Variants in RELN observed in about 807,000 individuals in gnomAD.
The protein encoded by RELN is reelin.
RELN carries 108 observed loss-of-function variants against 427.6 expected under a neutral mutation model. The ratio of observed to expected loss-of-function variants is 0.25; its 90% CI spans 0.22 to 0.30. RELN has a LOEUF of 0.30. Among genes scored for constraint, RELN ranks in the 10% least tolerant of loss-of-function variants. RELN has a pLI of 1.00. For synonymous variants in RELN, 1,524 were observed against 1,513.4 expected (o/e 1.01, Z -0.16); for missense variants, 3,715 against 4,302.8 (o/e 0.86, Z 3.82).
At chr7:103,520,968 T>A (rs1325299744) in intron 48 of RELN, among the ~76,000 whole-genome samples, 3 of 115,478 alleles carry the variant, frequency 2.6e-5, no homozygotes, top group East Asian at 2.4e-4. Flanking sequence ...TTTTTTTTTT[T>A]TTTTTTTTTT....
intron 1 of RELN, among the ~76,000 whole-genome samples, chr7:103,930,404 T>C (rs755478267): frequency 6.0e-4 from 90 of 150,208 alleles, no homozygotes; most frequent in Admixed American, 1.1e-3. Flanking sequence ...GACTTCAATA[T>C]ATGAATGGCA....
chr7:103,810,620 T>C (rs1792717624), intron 3 of RELN, among the ~76,000 whole-genome samples: 1 of 152,064 alleles, frequency 6.6e-6, no homozygotes, highest in African/African-American at 2.4e-5. Context: ...TTAGTGCTCC[T>C]GGTTGCAGCA....
intron 44 of RELN, 124 bp from the exon 45 acceptor site, chr7:103,539,451 C>G (rs60951836): frequency 2.1e-6 from 2 of 974,852 alleles, no homozygotes; most frequent in Non-Finnish European, 1.5e-6. Flanking sequence ...TGGCACTGGA[C>G]GGCCAGCAGA....
rs941182837 is a variant in RELN at position 103,907,415 on chromosome 7, G to GA, written c.337+9659dup. On this transcript the variant is annotated intron_variant, in intron 2 of 64. Coordinates refer to ENST00000428762, the MANE Select transcript of RELN (RefSeq NM_005045.4). ...CCTGGGCAACAAGATCAAGGCTCTG[G>GA]AAAAAAAAAAAAAAAAAAAAAAAAA... Among the ~76,000 whole-genome samples, 182 of 44,082 alleles carry GA rather than the reference G, an allele frequency of 4.1e-3. 8 individuals are homozygous for GA. Among genetic ancestry groups the GA allele is most frequent in the East Asian group, 0.022 (27 of 1,236 alleles). The allele number at this position is 44,082 out of a possible 152,430, so 28.9% of individuals were successfully genotyped here.
chr7:103,743,225 C>T (rs1423966327), intron 6 of RELN, among the ~76,000 whole-genome samples: 2 of 152,148 alleles, frequency 1.3e-5, no homozygotes, highest in Non-Finnish European at 2.9e-5. Context: ...GAGATTTTGT[C>T]ACTACCAGGC....
At chr7:103,702,120 CT>C (rs1250847818) in intron 8 of RELN, among the ~76,000 whole-genome samples, 8 of 152,258 alleles carry the variant, frequency 5.3e-5, no homozygotes, top group African/African-American at 1.9e-4. Flanking sequence ...AGGAAAGCTA[CT>C]GAGCAACCCT....
chr7:103,582,172 T>C (rs1223935758), intron 28 of RELN, among the ~76,000 whole-genome samples: 1 of 152,234 alleles, frequency 6.6e-6, no homozygotes. Context: ...GATCCAGAGA[T>C]GGAAGTCAGG....
intron 1 of RELN, among the ~76,000 whole-genome samples, chr7:103,972,921 C>G (rs1258081640): frequency 5.0e-5 from 3 of 60,470 alleles, no homozygotes; most frequent in Non-Finnish European, 1.0e-4. Flanking sequence ...TGTGTGTGTG[C>G]TACAAGATTA....
chr7:103,690,625 C>T (rs920687076), intron 10 of RELN, among the ~76,000 whole-genome samples: 10 of 152,098 alleles, frequency 6.6e-5, no homozygotes, highest in Non-Finnish European at 1.3e-4. Flanking sequence ...GCAAAACCAT[C>T]GTAAACAACA....
At chr7:103,683,592 C>T (rs1833699188) in intron 10 of RELN, among the ~76,000 whole-genome samples, 2 of 152,032 alleles carry the variant, frequency 1.3e-5, no homozygotes. Context: ...TAATACATTA[C>T]TCATGTGTTT....
In RELN at chr7:103,496,685, C is replaced by T. The variant is rs759042131; in HGVS notation, c.9034G>A (p.Ala3012Thr). 2.5e-6 allele frequency: 4 copies of T among 1,614,164 alleles called. No individual in the cohort carries two copies. Among genetic ancestry groups the T allele is most frequent in the South Asian group, 2.2e-5 (2 of 91,078 alleles). ...CGAAGTCGAGTTGTGTTGGTGAGGG[C>T]ATCTTCAGGAAGAAGTATGTAGTCG... Reference protein sequence around the residue: ...RHDYILLPEDALTNTTRLRWW... With the variant: ...RHDYILLPEDTLTNTTRLRWW... Residue 3012 changes from alanine (A) to threonine (T), a missense_variant, in exon 56 of 65, where the codon GCC (alanine) becomes ACC (threonine). Ala to Thr is a moderately conservative substitution (Grantham distance 58). Coordinates refer to ENST00000428762, the MANE Select transcript of RELN (RefSeq NM_005045.4).
At chr7:103,669,249 C>G (rs975179686) in intron 11 of RELN, among the ~76,000 whole-genome samples, 1 of 152,114 alleles carries the variant, frequency 6.6e-6, no homozygotes, top group African/African-American at 2.4e-5. Flanking sequence ...GTTTAGTCTA[C>G]TTTGAAGAGA....
rs762922371 is a variant in RELN at position 103,566,630 on chromosome 7, G to A, written c.4718C>T (p.Thr1573Met). 1 of 1,614,198 alleles carries A rather than the reference G, an allele frequency of 6.2e-7. No homozygotes were observed. The highest frequency in any genetic ancestry group is 8.5e-7 in the Non-Finnish European group (1 of 1,180,030). The change falls in exon 32 of 65, where the codon ACG becomes ATG. Residue 1573 changes from threonine to methionine, a missense_variant. By Grantham distance (81) the Thr-to-Met change is moderately conservative (BLOSUM62 -1). Around this residue, in one of 4 missense-constraint regions of RELN, gnomAD observed 2,208 missense variants for 2,361.7 expected, o/e 0.93. Transcript: ENST00000428762. ...DLPQDAKTPATAFRWWQPQHG... is the reference protein window; with the variant it reads ...DLPQDAKTPAMAFRWWQPQHG... The stretch of plus-strand genomic sequence containing the variant: ...TTGCGGTTGCCACCATCGAAATGCC[G>A]TTGCAGGTGTCTTCGCGTCCTGTGG...
At chr7:103,773,314 T>C (rs1791641429) in intron 4 of RELN, among the ~76,000 whole-genome samples, 1 of 62,106 alleles carries the variant, frequency 1.6e-5, no homozygotes, top group Non-Finnish European at 2.8e-5. Context: ...CCTCCCTCGC[T>C]CCCTCCGTCT....
chr7:103,556,476 G>C lies in RELN; in HGVS notation c.5797+501C>G, dbSNP rs554177768. Among the ~76,000 whole-genome samples the C allele has an allele frequency of 2.3e-4, 35 of 151,868 alleles. 1 individual carries two copies. The East Asian group carries it at 6.8e-3, about 29-fold the overall frequency. On this transcript the variant is annotated intron_variant, in intron 38 of 64. Transcript: ENST00000428762. Reference sequence around the variant, plus strand: ...AATATTTAAATATTTATTGAGACTTGTTGATACGGTTTGGCTCTGTGTCCC... The same window carrying C: ...AATATTTAAATATTTATTGAGACTTCTTGATACGGTTTGGCTCTGTGTCCC...
rs375500547 is a variant in RELN at position 103,834,240 on chromosome 7, C to A, written c.338-568G>T. On this transcript the variant is annotated intron_variant, in intron 2 of 64. Transcript: ENST00000428762. ...CTTAGTTTGTTGTTGCTGTTTTAAT[C>A]TCAGAGACATGAGGGATGGGGTGAG... 4.5e-4 allele frequency among the ~76,000 whole-genome samples: 68 copies of A among 152,302 alleles called. 3 individuals are homozygous for A. The highest frequency in any genetic ancestry group is 1.6e-3 in the African/African-American group (65 of 41,570).
At position 103,782,205 on chromosome 7, in the gene RELN, A is replaced by T. The variant is rs1363614416; in HGVS notation, c.474-5578T>A. Among the ~76,000 whole-genome samples, 2 of 152,186 alleles carry T rather than the reference A, an allele frequency of 1.3e-5. 1 individual carries two copies. The highest frequency in any genetic ancestry group is 2.9e-5 in the Non-Finnish European group (2 of 68,028). ...CATCATATTCAGTGCTTGAAAAAGC[A>T]TTTATTGTCATGATTTAAAAAAAGC... is the stretch of plus-strand genomic sequence containing the variant. On this transcript the variant is annotated intron_variant, in intron 3 of 64. Coordinates refer to ENST00000428762, the MANE Select transcript of RELN (RefSeq NM_005045.4).
intron 4 of RELN, among the ~76,000 whole-genome samples, chr7:103,759,973 T>C (rs891155737): frequency 1.3e-5 from 2 of 149,132 alleles, no homozygotes; most frequent in Non-Finnish European, 3.0e-5. Flanking sequence ...ATTCGGTCAT[T>C]GGTGCTCACA....
At chr7:103,980,707 T>C (rs1047156256) in intron 1 of RELN, among the ~76,000 whole-genome samples, 3 of 152,220 alleles carry the variant, frequency 2.0e-5, no homozygotes, top group African/African-American at 4.8e-5. Flanking sequence ...TTAATATGTG[T>C]AAAGCATTTA....
Sources: gnomAD v4.1 joint callset for allele counts (sites outside exome capture counted in the v4.1 genomes callset) on GRCh38, gnomAD v4.1.1 for gene constraint, gnomAD v4.1.1 regional missense constraint, MANE v1.5 for transcripts, NCBI Gene and HGNC (gene_info 2026-07-23, HGNC 2026-07-21) for gene names.